Variants in CR1 observed in about 807,000 individuals in gnomAD.
The protein encoded by CR1 is complement receptor type 1.
A neutral mutation model predicts 187.3 loss-of-function variants in CR1; 116 were observed. The ratio of observed to expected loss-of-function variants is 0.62; its 90% CI spans 0.53 to 0.72. The LOEUF (loss-of-function observed/expected upper bound fraction) is 0.72. CR1 is among the 30% of genes least tolerant of loss of function. The probability of loss-of-function intolerance (pLI) is 0.00; values close to 1 mark genes in which losing one functional copy is unlikely to be tolerated. For synonymous variants in CR1, 576 were observed against 747.1 expected, an observed-to-expected ratio of 0.77 and a Z score of 3.73; for missense variants, 1,731 against 2,110.7, an observed-to-expected ratio of 0.82 and a Z score of 3.52.
At chr1:207,597,544 A>G (rs1661483088) in intron 35 of CR1, among the ~76,000 whole-genome samples, 1 of 152,188 alleles carries the variant, frequency 6.6e-6, no homozygotes. Flanking sequence ...CTGACTTTGT[A>G]CTAGGATGTT....
chr1:207,578,919 A>G (rs1660850370), intron 29 of CR1, among the ~76,000 whole-genome samples: 2 of 152,244 alleles, frequency 1.3e-5, no homozygotes, highest in South Asian at 4.1e-4. Flanking sequence ...CCCAGGCTGA[A>G]GTACAGTGAT....
At chr1:207,503,584 T>C (rs1282608133) in intron 1 of CR1, among the ~76,000 whole-genome samples, 1 of 152,196 alleles carries the variant, frequency 6.6e-6, no homozygotes, top group African/African-American at 2.4e-5. Context: ...CTGAATATCC[T>C]TCTTCTGTCT....
intron 28 of CR1, among the ~76,000 whole-genome samples, chr1:207,575,969 A>G (rs1660732882): frequency 6.6e-6 from 1 of 152,212 alleles, no homozygotes; most frequent in African/African-American, 2.4e-5. Context: ...TTTGAAGAGC[A>G]TTTTGTTTAG....
chr1:207,627,083 A>C (rs1382978759), intron 45 of CR1, among the ~76,000 whole-genome samples: 1 of 152,018 alleles, frequency 6.6e-6, no homozygotes, highest in African/African-American at 2.4e-5. Context: ...CAAGAAAAGA[A>C]ACTAAAGTGA....
intron 34 of CR1, among the ~76,000 whole-genome samples, chr1:207,587,901 T>C (rs1249706076): frequency 1.3e-5 from 2 of 152,262 alleles, no homozygotes; most frequent in African/African-American, 2.4e-5. Flanking sequence ...TAGATGCTCA[T>C]TTCATGAGAA....
At chr1:207,497,420 TC>T (rs1659122580) in intron 1 of CR1, among the ~76,000 whole-genome samples, 1 of 152,198 alleles carries the variant, frequency 6.6e-6, no homozygotes, top group African/African-American at 2.4e-5. Context: ...GTTGTTTTTG[TC>T]CAGCCTATTC....
At chr1:207,525,100 A>G (rs148628211) in intron 5 of CR1, among the ~76,000 whole-genome samples, 7 of 152,066 alleles carry the variant, frequency 4.6e-5, no homozygotes, top group Non-Finnish European at 7.4e-5. Flanking sequence ...ACACTTTGGA[A>G]CAAGCAGATC....
In CR1 at chr1:207,607,251, G is replaced by C. The variant is rs145236510; in HGVS notation, c.5811G>C (p.Gly1937=). 1 of 1,612,302 alleles carries C rather than the reference G, an allele frequency of 6.2e-7. No homozygotes were observed. The highest frequency in any genetic ancestry group is 8.5e-7 in the Non-Finnish European group (1 of 1,178,458). ...GSTVNYSCNE[G]FRLIGSPSTT... ...AACCATTTTCTATCCTTTGCTTTAG[G>C]TTTCGACTCATTGGTTCCCCATCTA... The change falls in exon 36 of 47, where the codon GGG becomes GGC. Residue 1937 remains glycine (G), a splice_region_variant and synonymous_variant. Coordinates refer to ENST00000367049, the MANE Select transcript of CR1 (RefSeq NM_000651.6).
At chr1:207,517,905 C>T (rs557916345) in intron 4 of CR1, among the ~76,000 whole-genome samples, 64 of 151,936 alleles carry the variant, frequency 4.2e-4, no homozygotes, top group South Asian at 8.3e-4. Flanking sequence ...TTAGTTTTAC[C>T]GGGGCTTTAT....
intron 1 of CR1, among the ~76,000 whole-genome samples, chr1:207,497,062 G>A (rs1659111455): frequency 6.6e-6 from 1 of 152,134 alleles, no homozygotes; most frequent in South Asian, 2.1e-4. Context: ...AAGCCACCAC[G>A]GCCATCATCA....
chr1:207,503,191 T>G (rs909639839), intron 1 of CR1, among the ~76,000 whole-genome samples: 12 of 152,170 alleles, frequency 7.9e-5, no homozygotes, highest in Admixed American at 7.9e-4. Context: ...AGGAAAATAT[T>G]ATTCCCTTTA....
rs1332301171 is a variant in CR1 at position 207,617,507 on chromosome 1, A to ATATATATATATATATATATGTGTG, written c.6890-563_6890-562insATATATATATATATATATGTGTGT. ...AGTATATATATATATATATATATAT[A>ATATATATATATATATATATGTGTG]TGTGTGTGTGTGTGTGTGTGTGTGT... On this transcript the variant is annotated intron_variant, in intron 41 of 46. Coordinates refer to ENST00000367049, the MANE Select transcript of CR1 (RefSeq NM_000651.6). Among the ~76,000 whole-genome samples, 101 of 46,984 alleles carry ATATATATATATATATATATGTGTG rather than the reference A, an allele frequency of 2.1e-3. 1 individual carries two copies. The highest frequency in any genetic ancestry group is 4.5e-3 in the Admixed American group (15 of 3,348). 30.8% of individuals were successfully genotyped at this position (46,984 alleles called of 152,430 possible).
At chr1:207,520,968 G>GTTTTTTTTTT (rs141546660) in intron 4 of CR1, among the ~76,000 whole-genome samples, 13 of 44,568 alleles carry the variant, frequency 2.9e-4, no homozygotes, top group Admixed American at 7.0e-4. Context: ...TTTTTTGGTT[G>GTTTTTTTTTT]TTTTTTTTTT....
chr1:207,584,115 T>C (rs902870613), intron 32 of CR1, among the ~76,000 whole-genome samples: 3 of 152,176 alleles, frequency 2.0e-5, no homozygotes. Context: ...TGTGACAGCA[T>C]TACTGCAATC....
intron 4 of CR1, among the ~76,000 whole-genome samples, chr1:207,515,066 C>T (rs572023714): frequency 2.6e-4 from 36 of 140,354 alleles, no homozygotes; most frequent in Middle Eastern, 4.0e-3. Context: ...TGTATATATA[C>T]GTATATACGT....
chr1:207,572,978 G>C (rs1022426767), intron 27 of CR1, among the ~76,000 whole-genome samples: 1 of 152,114 alleles, frequency 6.6e-6, no homozygotes, highest in Non-Finnish European at 1.5e-5. Flanking sequence ...CACTGGATTA[G>C]GGCCTACTTT....
rs1337954518 is a variant in CR1 at position 207,580,247 on chromosome 1, G to C, written c.4944G>C (p.Gln1648His). Reference protein sequence around the residue: ...PELPSCSRVCQPPPEILHGEH... With the variant: ...PELPSCSRVCHPPPEILHGEH... ...GAACTGTCCTTTCCACAGTGTGTCA[G>C]CCGCCTCCAGAAATCCTGCATGGTG... The change falls in exon 30 of 47, where the codon CAG becomes CAC. Residue 1648 changes from glutamine (Q) to histidine (H), a missense_variant. Physicochemically the swap from Gln to His is conservative, Grantham distance 24. Around this residue, in one of 5 missense-constraint regions of CR1, gnomAD observed 1,312 missense variants for 1,379.6 expected, o/e 0.95. Transcript: ENST00000367049. The C allele has an allele frequency of 3.1e-6, 5 of 1,613,472 alleles. No homozygotes were observed. The Admixed American group carries it at 8.3e-5, about 27-fold the overall frequency.
chr1:207,639,383 T>G lies in CR1; in HGVS notation c.7458-14T>G, dbSNP rs754671637. The G allele has an allele frequency of 3.4e-5, 55 of 1,596,886 alleles. No individual in the cohort carries two copies. Among genetic ancestry groups the G allele is most frequent in the Middle Eastern group, 1.7e-4 (1 of 6,048 alleles). On this transcript the variant is annotated splice_polypyrimidine_tract_variant and intron_variant, in intron 46 of 46. Transcript: ENST00000367049. ...CCATGCTGTTAATTAAATGAAAACA[T>G]CCTGTTATTTCAGGGTCCTTCCTTG...
In CR1 at chr1:207,615,540, A is replaced by G. The variant is rs192704472; in HGVS notation, c.6662-1035A>G. ...AAAAAATTCAGAAACTCTTAGATAA[A>G]AGTACATGTTTGACATACCAAGACA... On this transcript the variant is annotated intron_variant, in intron 40 of 46. Coordinates refer to ENST00000367049, the MANE Select transcript of CR1 (RefSeq NM_000651.6). Among the ~76,000 whole-genome samples, 44 of 152,296 alleles carry G rather than the reference A, an allele frequency of 2.9e-4. 1 individual carries two copies. The East Asian group carries it at 8.5e-3, about 29-fold the overall frequency.
Sources: gnomAD v4.1 joint callset for allele counts (sites outside exome capture counted in the v4.1 genomes callset) on GRCh38, gnomAD v4.1.1 for gene constraint, gnomAD v4.1.1 regional missense constraint, MANE v1.5 for transcripts, NCBI Gene and HGNC (gene_info 2026-07-23, HGNC 2026-07-21) for gene names.